Variants in TAOK1 observed in about 807,000 individuals in gnomAD.
TAOK1 encodes the protein serine/threonine-protein kinase TAO1.
Under a neutral mutation model 138.3 loss-of-function variants are expected in TAOK1, and 21 were observed. That is an observed-to-expected ratio of 0.15 (90% confidence interval 0.11 to 0.22). The LOEUF is 0.22. Among genes scored for constraint, TAOK1 ranks in the 10% least tolerant of loss-of-function variants. The pLI is 1.00. For synonymous variants in TAOK1, 361 were observed against 398.4 expected (o/e 0.91, Z 1.12); for missense variants, 651 against 1,227.7 (o/e 0.53, Z 7.02).
intron 1 of TAOK1, among the ~76,000 whole-genome samples, chr17:29,415,631 T>G (rs980129285): frequency 6.6e-6 from 1 of 152,212 alleles, no homozygotes; most frequent in South Asian, 2.1e-4. Flanking sequence ...AGCCATTTGT[T>G]TATCTTCTAT....
At chr17:29,469,394 G>A (rs1168166144) in intron 3 of TAOK1, among the ~76,000 whole-genome samples, 1 of 151,618 alleles carries the variant, frequency 6.6e-6, no homozygotes, top group East Asian at 1.9e-4. Context: ...GTGCATTCAC[G>A]TTGTGCAACC....
chr17:29,507,992 A>C lies in TAOK1; in HGVS notation c.1435A>C (p.Met479Leu). Residue 479 changes from methionine (M) to leucine (L), a missense_variant, in exon 14 of 20, where the codon ATG becomes CTG. Around this residue, in one of 8 missense-constraint regions of TAOK1, gnomAD observed 258 missense variants for 548.9 expected, o/e 0.47. Transcript: ENST00000261716. ...GAGGCGACAACATCAAAAGCAACTG[A>C]TGACTCTGGAAAACAAGCTAAAGGC... is the stretch of plus-strand genomic sequence containing the variant. ...RMRRQHQKQL[M>L]TLENKLKAEM... The C allele has an allele frequency of 5.6e-6, 9 of 1,614,134 alleles. No individual in the cohort carries two copies. The highest frequency in any genetic ancestry group is 7.6e-6 in the Non-Finnish European group (9 of 1,179,990).
At chr17:29,522,155 C>T (rs1311067012) in intron 16 of TAOK1, 125 bp from the exon 17 acceptor site, 6 of 1,244,150 alleles carry the variant, frequency 4.8e-6, no homozygotes, top group Non-Finnish European at 6.6e-6. Flanking sequence ...CTCTTATTTA[C>T]TATGCAACTA....
chr17:29,393,267 T>G (rs1490581731), intron 1 of TAOK1, among the ~76,000 whole-genome samples: 2 of 152,164 alleles, frequency 1.3e-5, no homozygotes, highest in Non-Finnish European at 2.9e-5. Context: ...CTTGGGAAGT[T>G]GTAGGCAGAG....
Position 29,502,664 on chromosome 17 carries a change from C to T in TAOK1, c.1279C>T (p.Arg427Cys), listed in dbSNP as rs2031551750. 3 of 1,613,834 alleles carry T rather than the reference C, an allele frequency of 1.9e-6. No homozygotes were observed. Among genetic ancestry groups the T allele is most frequent in the Non-Finnish European group, 2.5e-6 (3 of 1,179,954 alleles). Residue 427 changes from arginine (R) to cysteine (C), a missense_variant, in exon 13 of 20, where the codon CGT becomes TGT. By Grantham distance (180) the Arg-to-Cys change is radical (BLOSUM62 -3). Coordinates refer to ENST00000261716, the MANE Select transcript of TAOK1 (RefSeq NM_020791.4). The part of the protein sequence containing the change: ...SDPQSPPQVS[R>C]HKSHYRNREH... Reference sequence around the variant, plus strand: ...TCCACAATCTCCACCCCAAGTATCTCGTCACAAATCACACTATCGTAATCG... The same window carrying T: ...TCCACAATCTCCACCCCAAGTATCTTGTCACAAATCACACTATCGTAATCG...
At chr17:29,452,462 T>C (rs187778546) in intron 2 of TAOK1, among the ~76,000 whole-genome samples, 35 of 152,304 alleles carry the variant, frequency 2.3e-4, no homozygotes, top group Admixed American at 8.5e-4. Flanking sequence ...TTGACAGATA[T>C]ACCAAAGTCT....
Position 29,517,476 on chromosome 17 carries a change from C to T in TAOK1, c.1728C>T (p.Thr576=), listed in dbSNP as rs373788473. The change falls in exon 16 of 20, where the codon ACC becomes ACT. Residue 576 remains threonine (T), a synonymous_variant. Transcript: ENST00000261716. ...AGGAGCTAAATGAAAACCAGAGTAC[C>T]CCCAAAAAAGAAAAACAGGAGTGGC... ...LKEELNENQS[T]PKKEKQEWLS... 2 of 1,613,526 alleles carry T rather than the reference C, an allele frequency of 1.2e-6. No homozygotes were observed. The highest frequency in any genetic ancestry group is 8.5e-7 in the Non-Finnish European group (1 of 1,179,918).
At chr17:29,410,635 G>GTTTTTTTTTT (rs1207404073) in intron 1 of TAOK1, among the ~76,000 whole-genome samples, 2 of 136,894 alleles carry the variant, frequency 1.5e-5, no homozygotes, top group Admixed American at 7.4e-5. Context: ...TTTTTTTTTG[G>GTTTTTTTTTT]TTTTTTTTTT....
chr17:29,399,834 A>AAGC (rs1904782883), intron 1 of TAOK1, among the ~76,000 whole-genome samples: 1 of 151,828 alleles, frequency 6.6e-6, no homozygotes, highest in Non-Finnish European at 1.5e-5. Flanking sequence ...GGACTTAGCG[A>AAGC]TCCTCTCACC....
chr17:29,425,979 CACGCCA>C (rs1905625898), intron 1 of TAOK1, among the ~76,000 whole-genome samples: 1 of 152,176 alleles, frequency 6.6e-6, no homozygotes, highest in African/African-American at 2.4e-5. Flanking sequence ...CTTCTGGGTT[CACGCCA>C]TTCTCCTGCC....
intron 1 of TAOK1, among the ~76,000 whole-genome samples, chr17:29,411,224 T>G (rs551917041): frequency 3.4e-5 from 5 of 149,100 alleles, no homozygotes; most frequent in Admixed American, 6.7e-5. Context: ...CCCAAGTAGC[T>G]GGGACTACAG....
intron 1 of TAOK1, among the ~76,000 whole-genome samples, chr17:29,397,613 A>AATATAT (rs1221076146): frequency 2.4e-5 from 1 of 41,408 alleles, no homozygotes; most frequent in Non-Finnish European, 3.9e-5. Context: ...CCCCCAAAAA[A>AATATAT]ATATATATAT....
At chr17:29,508,254 G>C (rs2031661717) in intron 14 of TAOK1, 122 bp downstream of exon 14, 1 of 801,036 alleles carries the variant, frequency 1.2e-6, no homozygotes. Context: ...GGGAAAAGGA[G>C]AAGCATTTAT....
intron 3 of TAOK1, among the ~76,000 whole-genome samples, chr17:29,472,256 G>A (rs1351694221): frequency 7.0e-5 from 10 of 142,842 alleles, no homozygotes; most frequent in Non-Finnish European, 1.4e-4. Context: ...GCCGTTGTGT[G>A]TTTTTTTTTT....
chr17:29,482,295 A>G lies in TAOK1; in HGVS notation c.655+7A>G. 6.3e-7 allele frequency: 1 copy of G among 1,589,324 alleles called. No homozygotes were observed. The highest frequency in any genetic ancestry group is 8.6e-7 in the Non-Finnish European group (1 of 1,161,172). On this transcript the variant is annotated splice_region_variant and intron_variant, in intron 8 of 19. Coordinates refer to ENST00000261716, the MANE Select transcript of TAOK1 (RefSeq NM_020791.4). ...ATAACATGTATTGAACTAGGTAAGC[A>G]TTGTTCTTCATTACTATGGATTAAG...
In TAOK1 at chr17:29,450,319, G is replaced by A. The variant is rs535124949; in HGVS notation, c.-94-1136G>A. Among the ~76,000 whole-genome samples the A allele has an allele frequency of 2.4e-4, 37 of 152,190 alleles. No homozygotes were observed. The South Asian group carries it at 6.6e-3, about 27-fold the overall frequency. On this transcript the variant is annotated intron_variant, in intron 1 of 19. Transcript: ENST00000261716. ...CTGAGCTGGTCTCAAGCTCCTGGCC[G>A]CAAGTGATCCTTGCACTTTGACCTC...
intron 18 of TAOK1, chr17:29,530,845 C>T: frequency 3.6e-6 from 2 of 561,222 alleles, no homozygotes; most frequent in Non-Finnish European, 6.4e-6. Context: ...AAATAGGCTC[C>T]CTGCCAGCAC....
intron 10 of TAOK1, among the ~76,000 whole-genome samples, chr17:29,493,314 G>C (rs902094898): frequency 1.3e-5 from 2 of 152,042 alleles, no homozygotes; most frequent in African/African-American, 4.8e-5. Flanking sequence ...GAGCAACGTG[G>C]AGAAACCCTG....
At chr17:29,458,936 T>C (rs981005060) in intron 2 of TAOK1, among the ~76,000 whole-genome samples, 5 of 152,274 alleles carry the variant, frequency 3.3e-5, no homozygotes, top group African/African-American at 1.2e-4. Context: ...GCCAGGCTGG[T>C]CTTGAATTCC....
Sources: gnomAD v4.1 joint callset for allele counts (sites outside exome capture counted in the v4.1 genomes callset) on GRCh38, gnomAD v4.1.1 for gene constraint, gnomAD v4.1.1 regional missense constraint, MANE v1.5 for transcripts, NCBI Gene and HGNC (gene_info 2026-07-23, HGNC 2026-07-21) for gene names.